The following CWF19L1 variants were observed in gnomAD, a reference collection of about 807,000 sequenced individuals.
CWF19L1 encodes CWF19 like cell cycle control factor 1, also known as CWF19-like protein 1.
CWF19L1 carries 60 observed loss-of-function variants against 69.7 expected under a neutral mutation model. The ratio of observed to expected loss-of-function variants is 0.86; its 90% CI spans 0.70 to 1.07. The LOEUF is 1.07. CWF19L1 is among the 50% of genes least tolerant of loss of function. The pLI is 0.00. For missense variants in CWF19L1, 591 were observed against 638.9 expected (o/e 0.92, Z 0.81); for synonymous variants, 209 against 222.2 (o/e 0.94, Z 0.53).
chr10:100,267,094 A>G (rs1847619212), intron 1 of CWF19L1, among the ~76,000 whole-genome samples: 1 of 149,828 alleles, frequency 6.7e-6, no homozygotes, highest in South Asian at 2.1e-4. Flanking sequence ...TCTTCAATAA[A>G]TACTTGCTGC....
chr10:100,256,262 A>G lies in CWF19L1; in HGVS notation c.504T>C (p.Ser168=). 6.2e-7 allele frequency: 1 copy of G among 1,613,002 alleles called. No individual in the cohort carries two copies. Among genetic ancestry groups the G allele is most frequent in the Non-Finnish European group, 8.5e-7 (1 of 1,179,018 alleles). ...TTCCAACTAAACAAACACTACTCAC[A>G]GAAGAATTCCCAAAGTTCCCCACAC... ...PKCVGNFGNS[S]GEVDTKKCGS... Residue 168 remains serine (S), a splice_region_variant and synonymous_variant, in exon 5 of 14, where the codon TCT becomes TCC. Coordinates refer to ENST00000354105, the MANE Select transcript of CWF19L1 (RefSeq NM_018294.6).
At chr10:100,252,534 TAAAAAA>T (rs202238634) in intron 6 of CWF19L1, among the ~76,000 whole-genome samples, 1 of 150,650 alleles carries the variant, frequency 6.6e-6, no homozygotes, top group Admixed American at 6.6e-5. Context: ...AGAAAAAAAA[TAAAAAA>T]AAATATTTTC....
At chr10:100,263,803 G>A (rs1481933994) in intron 1 of CWF19L1, among the ~76,000 whole-genome samples, 1 of 152,158 alleles carries the variant, frequency 6.6e-6, no homozygotes, top group Non-Finnish European at 1.5e-5. Flanking sequence ...AATAAACCCT[G>A]AATCCCTAAA....
chr10:100,248,334 T>A, intron 7 of CWF19L1: 1 of 1,131,244 alleles, frequency 8.8e-7, no homozygotes, highest in Non-Finnish European at 1.3e-6. Context: ...CGTGGTGAAC[T>A]CTGCCCTATA....
intron 8 of CWF19L1, among the ~76,000 whole-genome samples, chr10:100,246,420 C>T (rs1198086741): frequency 6.6e-6 from 1 of 152,176 alleles, no homozygotes; most frequent in African/African-American, 2.4e-5. Flanking sequence ...AAAATTTCTT[C>T]AGAGTGAATC....
At position 100,256,481 on chromosome 10, in the gene CWF19L1, G is replaced by A. The variant is rs765563401; in HGVS notation, c.290-5C>T. 4 of 1,613,222 alleles carry A rather than the reference G, an allele frequency of 2.5e-6. No homozygotes were observed. The highest frequency in any genetic ancestry group is 1.3e-5 in the African/African-American group (1 of 74,838). On this transcript the variant is annotated splice_polypyrimidine_tract_variant and splice_region_variant and intron_variant, in intron 4 of 13. Transcript: ENST00000354105. ...CAGTGAAGATACCTTTACGACCTGG[G>A]TTCAAAGAAAAATGAACAAATTTTA...
chr10:100,248,138 A>G (rs1205433185), intron 7 of CWF19L1: 1 of 552,994 alleles, frequency 1.8e-6, no homozygotes, highest in African/African-American at 1.9e-5. Flanking sequence ...TGAAAGGGCA[A>G]TTAAAAGAAA....
At chr10:100,256,555 T>C in intron 4 of CWF19L1, 79 bp from the exon 5 acceptor site, 1 of 1,091,740 alleles carries the variant, frequency 9.2e-7, no homozygotes. Flanking sequence ...GAATCTCCCA[T>C]GACTCTCCTA....
At chr10:100,259,850 A>G (rs1847335494) in intron 4 of CWF19L1, among the ~76,000 whole-genome samples, 1 of 152,128 alleles carries the variant, frequency 6.6e-6, no homozygotes, top group African/African-American at 2.4e-5. Context: ...TCCTGAGAAC[A>G]CTATATTATG....
intron 10 of CWF19L1, among the ~76,000 whole-genome samples, chr10:100,242,148 C>A (rs1846657338): frequency 6.6e-6 from 1 of 152,146 alleles, no homozygotes; most frequent in Non-Finnish European, 1.5e-5. Flanking sequence ...AAGCTTTCCA[C>A]CACCTGAATA....
intron 4 of CWF19L1, among the ~76,000 whole-genome samples, chr10:100,257,776 AC>A (rs1847264208): frequency 6.6e-6 from 1 of 151,458 alleles, no homozygotes; most frequent in South Asian, 2.1e-4. Context: ...CTTTGTTCCT[AC>A]CCCCTAGATG....
chr10:100,251,224 T>C (rs1397358794), intron 6 of CWF19L1, among the ~76,000 whole-genome samples: 1 of 152,192 alleles, frequency 6.6e-6, no homozygotes, highest in African/African-American at 2.4e-5. Flanking sequence ...TTCCCTTATC[T>C]TGGGACAGGA....
intron 4 of CWF19L1, among the ~76,000 whole-genome samples, chr10:100,259,990 C>A (rs965861058): frequency 3.3e-5 from 5 of 152,010 alleles, no homozygotes; most frequent in African/African-American, 1.2e-4. Flanking sequence ...CACGGTGAAA[C>A]CCTGTCTCTA....
intron 1 of CWF19L1, among the ~76,000 whole-genome samples, chr10:100,264,789 G>A (rs1177375923): frequency 1.3e-5 from 2 of 151,906 alleles, no homozygotes; most frequent in East Asian, 1.9e-4. Context: ...CTGACCCTGT[G>A]TAGGCCTAGA....
At chr10:100,266,583 C>T (rs1238670785) in intron 1 of CWF19L1, among the ~76,000 whole-genome samples, 1 of 151,606 alleles carries the variant, frequency 6.6e-6, no homozygotes, top group African/African-American at 2.4e-5. Flanking sequence ...GGTGCAGTGT[C>T]GGCTCACTGT....
At chr10:100,251,481 G>A (rs1173115623) in intron 6 of CWF19L1, among the ~76,000 whole-genome samples, 1 of 148,934 alleles carries the variant, frequency 6.7e-6, no homozygotes, top group African/African-American at 2.5e-5. Flanking sequence ...AATGATAAGA[G>A]CATCTTTTTA....
chr10:100,248,839 A>G, intron 7 of CWF19L1: 1 of 1,235,946 alleles, frequency 8.1e-7, no homozygotes, highest in South Asian at 1.2e-5. Flanking sequence ...GGAAGCAGAG[A>G]GCACCAGATT....
chr10:100,242,077 C>G (rs1216723418), intron 10 of CWF19L1, among the ~76,000 whole-genome samples: 1 of 152,130 alleles, frequency 6.6e-6, no homozygotes, highest in African/African-American at 2.4e-5. Context: ...CAGCCCTACC[C>G]AAGCAAAAGT....
intron 6 of CWF19L1, among the ~76,000 whole-genome samples, chr10:100,251,308 G>A (rs767321577): frequency 1.3e-5 from 2 of 152,082 alleles, no homozygotes; most frequent in East Asian, 1.9e-4. Flanking sequence ...TTTCCAAAGC[G>A]GCTGCACCAT....
Sources: allele counts gnomAD v4.1 joint callset (sites outside exome capture counted in the v4.1 genomes callset), GRCh38; gene constraint gnomAD v4.1.1; transcripts MANE v1.5; gene names NCBI Gene and HGNC (gene_info 2026-07-23, HGNC 2026-07-21).